The following UGGT2 variants were observed in gnomAD, a reference collection of about 807,000 sequenced individuals.
UGGT2 encodes UDP-glucose:glycoprotein glucosyltransferase 2.
Under a neutral mutation model 192.1 loss-of-function variants are expected in UGGT2, and 180 were observed. That is an observed-to-expected ratio of 0.94 (90% CI 0.83 to 1.06). The LOEUF is 1.06. UGGT2 is among the 50% of genes least tolerant of loss of function. The pLI, the probability that UGGT2 is intolerant of heterozygous loss-of-function variation, is 0.00. For synonymous variants in UGGT2, 580 were observed against 591.0 expected (o/e 0.98, Z 0.27); for missense variants, 1,849 against 1,795.7 (o/e 1.03, Z -0.54).
At chr13:95,867,010 C>T (rs918839068) in intron 30 of UGGT2, among the ~76,000 whole-genome samples, 7 of 152,176 alleles carry the variant, frequency 4.6e-5, no homozygotes, top group Admixed American at 3.9e-4. Flanking sequence ...TAAAAAACAG[C>T]ACCTTCTCTT....
At chr13:95,806,222 T>C (rs1220771002) in intron 38 of UGGT2, among the ~76,000 whole-genome samples, 1 of 152,208 alleles carries the variant, frequency 6.6e-6, no homozygotes, top group African/African-American at 2.4e-5. Context: ...CCCAACTTTG[T>C]AGCTTAGGGA....
chr13:95,867,459 G>GAATAGACAT (rs1288918160), intron 29 of UGGT2, 36 bp from the exon 30 acceptor site: 1 of 1,512,068 alleles, frequency 6.6e-7, no homozygotes. Context: ...ATTAATTTAA[G>GAATAGACAT]AATAGACATA....
At chr13:96,024,259 T>C (rs2139124346) in intron 2 of UGGT2, among the ~76,000 whole-genome samples, 1 of 152,308 alleles carries the variant, frequency 6.6e-6, no homozygotes, top group Non-Finnish European at 1.5e-5. Context: ...CTAAATGTCA[T>C]CTTGTCTGGA....
At chr13:95,960,651 C>T (rs1021215532) in intron 12 of UGGT2, among the ~76,000 whole-genome samples, 2 of 152,150 alleles carry the variant, frequency 1.3e-5, no homozygotes, top group East Asian at 3.9e-4. Flanking sequence ...AAAAGACTTC[C>T]CAAGTCTAAT....
chr13:95,994,418 T>A (rs1420503300), intron 7 of UGGT2, among the ~76,000 whole-genome samples: 6 of 151,766 alleles, frequency 4.0e-5, no homozygotes, highest in Non-Finnish European at 7.4e-5. Context: ...ATATTTATTT[T>A]AAAAAATAAT....
At chr13:95,902,622 T>A (rs1186817926) in intron 21 of UGGT2, among the ~76,000 whole-genome samples, 1 of 151,970 alleles carries the variant, frequency 6.6e-6, no homozygotes, top group Non-Finnish European at 1.5e-5. Flanking sequence ...TAGAATGCCA[T>A]CAACTTTAAG....
chr13:95,811,017 T>C (rs540735336), intron 38 of UGGT2, among the ~76,000 whole-genome samples: 1 of 152,306 alleles, frequency 6.6e-6, no homozygotes, highest in East Asian at 1.9e-4. Context: ...GTGAACATCA[T>C]TTGCCATCAG....
chr13:95,872,772 CTG>C (rs1485785170), intron 29 of UGGT2, among the ~76,000 whole-genome samples: 1 of 151,994 alleles, frequency 6.6e-6, no homozygotes, highest in Admixed American at 6.6e-5. Context: ...TCTTTATGAA[CTG>C]TGTATGATAG....
At chr13:96,030,916 TAA>T (rs1488905843) in intron 2 of UGGT2, among the ~76,000 whole-genome samples, 2 of 152,240 alleles carry the variant, frequency 1.3e-5, no homozygotes, top group Non-Finnish European at 2.9e-5. Flanking sequence ...TTTGAGGTAT[TAA>T]AAGTTTCTTT....
Position 95,845,635 on chromosome 13 carries a change from C to G in UGGT2, c.4284+7908G>C, listed in dbSNP as rs541627324. ...TCCCCACATTTCCCCCTTTTCTATT[C>G]GACAAAACCGCCATCGTCATCATGG... On this transcript the variant is annotated intron_variant, in intron 36 of 38. Coordinates refer to ENST00000376747, the MANE Select transcript of UGGT2 (RefSeq NM_020121.4). Among the ~76,000 whole-genome samples the G allele has an allele frequency of 9.3e-4, 141 of 152,020 alleles. 1 individual carries two copies. Among genetic ancestry groups the G allele is most frequent in the African/African-American group, 3.2e-3 (134 of 41,500 alleles).
intron 36 of UGGT2, among the ~76,000 whole-genome samples, chr13:95,852,406 G>A (rs913304572): frequency 1.3e-5 from 2 of 152,040 alleles, no homozygotes; most frequent in Non-Finnish European, 2.9e-5. Flanking sequence ...AGGGACATAT[G>A]GCCACCCAAT....
intron 30 of UGGT2, among the ~76,000 whole-genome samples, chr13:95,866,973 A>T (rs1890724618): frequency 6.6e-6 from 1 of 152,080 alleles, no homozygotes; most frequent in South Asian, 2.1e-4. Flanking sequence ...ATCTGCTATC[A>T]TTAAAAACTC....
intron 17 of UGGT2, among the ~76,000 whole-genome samples, chr13:95,931,057 A>G (rs2049244925): frequency 6.6e-6 from 1 of 152,130 alleles, no homozygotes; most frequent in Non-Finnish European, 1.5e-5. Context: ...CCCCACCCAC[A>G]TCTTGCTGAT....
intron 20 of UGGT2, among the ~76,000 whole-genome samples, chr13:95,909,248 C>T (rs1262462001): frequency 6.6e-6 from 1 of 152,104 alleles, no homozygotes; most frequent in Non-Finnish European, 1.5e-5. Context: ...CATCCCATTA[C>T]TGGGTATATA....
At chr13:95,893,879 G>C (rs2047874121) in intron 24 of UGGT2, among the ~76,000 whole-genome samples, 1 of 152,202 alleles carries the variant, frequency 6.6e-6, no homozygotes, top group Non-Finnish European at 1.5e-5. Context: ...ACAGGAGCCT[G>C]ACAGAGTAAA....
chr13:96,013,428 T>A lies in UGGT2; in HGVS notation c.539A>T (p.Asn180Ile). ...GGCATAGAGAATCACCACTGGTAAG[T>A]TCTCTTTGTTTGTAGGAAATTTGTG... ...GDHKFPTNKE[N>I]LPVVILYAEM... Residue 180 changes from asparagine to isoleucine, a missense_variant, in exon 5 of 39, where the codon AAC becomes ATC. Transcript: ENST00000376747. The A allele has an allele frequency of 6.2e-7, 1 of 1,603,764 alleles. No individual in the cohort carries two copies. Among genetic ancestry groups the A allele is most frequent in the Non-Finnish European group, 8.5e-7 (1 of 1,176,644 alleles).
At chr13:95,879,569 A>AG (rs2047434464) in intron 27 of UGGT2, among the ~76,000 whole-genome samples, 1 of 152,074 alleles carries the variant, frequency 6.6e-6, no homozygotes, top group African/African-American at 2.4e-5. Context: ...CCGAGTAGCT[A>AG]GGATTACAGG....
chr13:95,848,940 T>C, intron 36 of UGGT2, among the ~76,000 whole-genome samples: 1 of 152,206 alleles, frequency 6.6e-6, no homozygotes, highest in African/African-American at 2.4e-5. Flanking sequence ...TATTTCAGTG[T>C]TCTTGAATTT....
intron 10 of UGGT2, among the ~76,000 whole-genome samples, chr13:95,982,685 G>A (rs73562910): frequency 0.011 from 1,650 of 151,980 alleles, 34 homozygotes; most frequent in African/African-American, 0.038. Flanking sequence ...TTTCTTTTGC[G>A]TATTAAGCCT....
Sources: allele counts gnomAD v4.1 joint callset (sites outside exome capture counted in the v4.1 genomes callset), GRCh38; gene constraint gnomAD v4.1.1; transcripts MANE v1.5; gene names NCBI Gene and HGNC (gene_info 2026-07-23, HGNC 2026-07-21).